Variants in PAPPA2 observed in about 807,000 individuals in gnomAD.
The protein encoded by PAPPA2 is pappalysin 2.
PAPPA2 carries 86 observed loss-of-function variants against 176.4 expected under a neutral mutation model. The ratio of observed to expected loss-of-function variants is 0.49; its 90% CI spans 0.41 to 0.58. PAPPA2 has a LOEUF of 0.58. Ranked by LOEUF, PAPPA2 falls within the 20% of genes least tolerant of loss-of-function variation. PAPPA2 has a pLI of 0.00. For missense variants in PAPPA2, 2,073 were observed against 2,256.9 expected (o/e 0.92, Z 1.65); for synonymous variants, 809 against 852.2 (o/e 0.95, Z 0.88).
chr1:176,576,429 TAGAG>T (rs1458923672), intron 2 of PAPPA2, among the ~76,000 whole-genome samples: 1 of 152,058 alleles, frequency 6.6e-6, no homozygotes, highest in African/African-American at 2.4e-5. Context: ...GATATGTAAG[TAGAG>T]AGAAGTGTCC....
chr1:176,699,687 G>A (rs3766297), intron 8 of PAPPA2, 98 bp downstream of exon 8: 103,946 of 1,479,512 alleles, frequency 0.07, 4,088 homozygotes, highest in South Asian at 0.12. Context: ...GCCCTTAGTC[G>A]GAGGAATGTT....
chr1:176,602,524 G>C (rs1269788982), intron 3 of PAPPA2, among the ~76,000 whole-genome samples: 2 of 152,206 alleles, frequency 1.3e-5, no homozygotes, highest in African/African-American at 4.8e-5. Flanking sequence ...TGAGCCAAAG[G>C]CATGGTCAGG....
At chr1:176,716,007 A>G (rs1255813377) in intron 12 of PAPPA2, among the ~76,000 whole-genome samples, 1 of 150,866 alleles carries the variant, frequency 6.6e-6, no homozygotes, top group East Asian at 1.9e-4. Flanking sequence ...AATTAATATT[A>G]ATAACTTCAA....
At chr1:176,566,712 A>T (rs1573051609) in intron 2 of PAPPA2, among the ~76,000 whole-genome samples, 1 of 152,166 alleles carries the variant, frequency 6.6e-6, no homozygotes, top group South Asian at 2.1e-4. Flanking sequence ...GTCACCAGCA[A>T]TAATTTGTCC....
At chr1:176,729,889 T>C (rs1172793551) in intron 12 of PAPPA2, among the ~76,000 whole-genome samples, 1 of 152,060 alleles carries the variant, frequency 6.6e-6, no homozygotes, top group Non-Finnish European at 1.5e-5. Context: ...AATTAACCCC[T>C]TGATTTGTAT....
At chr1:176,549,115 T>C (rs1045254084) in intron 1 of PAPPA2, among the ~76,000 whole-genome samples, 1 of 152,230 alleles carries the variant, frequency 6.6e-6, no homozygotes, top group African/African-American at 2.4e-5. Context: ...TGTAAGTGTT[T>C]TCATACTAAT....
In PAPPA2 at chr1:176,628,894, T is replaced by A. The variant is rs367849447; in HGVS notation, c.1991+33299T>A. 3.3e-5 allele frequency among the ~76,000 whole-genome samples: 5 copies of A among 152,370 alleles called. No homozygotes were observed. The East Asian group carries it at 7.7e-4, about 23-fold the overall frequency. ...TCACAAGATATATTGCATTTGACAG[T>A]TCTTTCATGTTAAGAGTTGAATGTG... On this transcript the variant is annotated intron_variant, in intron 3 of 22. Coordinates refer to ENST00000367662, the MANE Select transcript of PAPPA2 (RefSeq NM_020318.3).
At chr1:176,495,775 A>G (rs1274983646) in intron 1 of PAPPA2, among the ~76,000 whole-genome samples, 1 of 151,210 alleles carries the variant, frequency 6.6e-6, no homozygotes, top group Admixed American at 6.6e-5. Flanking sequence ...CAGTTAGAAA[A>G]AAATAAATAA....
At chr1:176,637,747 G>A (rs994501889) in intron 3 of PAPPA2, among the ~76,000 whole-genome samples, 1 of 152,070 alleles carries the variant, frequency 6.6e-6, no homozygotes, top group Non-Finnish European at 1.5e-5. Flanking sequence ...AGACAACACT[G>A]GCTCTTGATT....
chr1:176,552,322 A>C (rs1361320474), intron 1 of PAPPA2, among the ~76,000 whole-genome samples: 41 of 119,708 alleles, frequency 3.4e-4, no homozygotes, highest in Admixed American at 5.5e-4. Context: ...CTCCTCCTCC[A>C]TCTCTCCCCT....
intron 1 of PAPPA2, among the ~76,000 whole-genome samples, chr1:176,536,300 C>T (rs1220470262): frequency 6.6e-6 from 1 of 152,214 alleles, no homozygotes; most frequent in Non-Finnish European, 1.5e-5. Flanking sequence ...CTGCACTCCT[C>T]TTAAAAGTAA....
At chr1:176,506,441 G>T (rs1332918471) in intron 1 of PAPPA2, among the ~76,000 whole-genome samples, 1 of 151,996 alleles carries the variant, frequency 6.6e-6, no homozygotes, top group African/African-American at 2.4e-5. Flanking sequence ...ATTGCTATGG[G>T]CAGTATGGCC....
chr1:176,694,793 G>C (rs1028259286), intron 6 of PAPPA2, among the ~76,000 whole-genome samples: 13 of 152,234 alleles, frequency 8.5e-5, no homozygotes, highest in Non-Finnish European at 2.9e-5. Context: ...CAGAGGGACT[G>C]CTGGGTCCAA....
At chr1:176,542,252 T>G (rs2102568038) in intron 1 of PAPPA2, among the ~76,000 whole-genome samples, 1 of 152,232 alleles carries the variant, frequency 6.6e-6, no homozygotes, top group African/African-American at 2.4e-5. Flanking sequence ...CAAGATTGAG[T>G]GACAGTTTTA....
chr1:176,482,400 G>A (rs762142351), intron 1 of PAPPA2, among the ~76,000 whole-genome samples: 10 of 152,172 alleles, frequency 6.6e-5, no homozygotes, highest in Non-Finnish European at 1.3e-4. Flanking sequence ...GATACTTTGG[G>A]CGAGTCACTA....
intron 14 of PAPPA2, among the ~76,000 whole-genome samples, chr1:176,763,483 C>T (rs1381923153): frequency 6.6e-6 from 1 of 152,266 alleles, no homozygotes; most frequent in East Asian, 1.9e-4. Context: ...TAAAATTTAA[C>T]AAATTTCTCA....
At chr1:176,623,001 G>A (rs535542447) in intron 3 of PAPPA2, among the ~76,000 whole-genome samples, 1 of 152,190 alleles carries the variant, frequency 6.6e-6, no homozygotes, top group South Asian at 2.1e-4. Context: ...TTTTATAAGG[G>A]CACTAATCTC....
At chr1:176,480,428 C>T (rs562908067) in intron 1 of PAPPA2, among the ~76,000 whole-genome samples, 35 of 152,298 alleles carry the variant, frequency 2.3e-4, no homozygotes, top group African/African-American at 7.7e-4. Flanking sequence ...AAACCACCAT[C>T]CTAACTGGCC....
chr1:176,547,429 T>C (rs1448786557), intron 1 of PAPPA2, among the ~76,000 whole-genome samples: 1 of 152,210 alleles, frequency 6.6e-6, no homozygotes, highest in Non-Finnish European at 1.5e-5. Flanking sequence ...TCATGTCTAT[T>C]GCTATGTGAC....
Sources: allele counts gnomAD v4.1 joint callset (sites outside exome capture counted in the v4.1 genomes callset), GRCh38; gene constraint gnomAD v4.1.1; transcripts MANE v1.5; gene names NCBI Gene and HGNC (gene_info 2026-07-23, HGNC 2026-07-21).